Variants in SDF4 observed in about 807,000 individuals in gnomAD.
SDF4 encodes the protein 45 kDa calcium-binding protein.
SDF4 carries 22 observed loss-of-function variants against 34.2 expected under a neutral mutation model. That is an observed-to-expected ratio of 0.64 (90% CI 0.46 to 0.92). The LOEUF (loss-of-function observed/expected upper bound fraction) is 0.92. Among genes scored for constraint, SDF4 ranks in the 40% least tolerant of loss-of-function variants. The pLI is 0.00. For missense variants in SDF4, 447 were observed against 499.9 expected, an observed-to-expected ratio of 0.89 and a Z score of 1.01; for synonymous variants, 236 against 203.1, an observed-to-expected ratio of 1.16 and a Z score of -1.38.
chr1:1,223,734 C>A, intron 3 of SDF4, 98 bp downstream of exon 3: 1 of 1,168,916 alleles, frequency 8.6e-7, no homozygotes, highest in Non-Finnish European at 1.2e-6. Context: ...ACCGCCCGTC[C>A]CTCAGACAGG....
In SDF4 at chr1:1,218,766, C is replaced by T. The variant is rs761364661; in HGVS notation, c.715+3G>A. On this transcript the variant is annotated splice_donor_region_variant and intron_variant, in intron 5 of 6. Transcript: ENST00000360001. The surrounding 1 kb of genome is among the most constrained non-coding windows in gnomAD (Gnocchi z 7.9). ...GTGCCGGCCAGGCTGGACCCAGCCT[C>T]ACCCAGGTCCCGGACGATCTCCTTC... 2 of 1,612,424 alleles carry T rather than the reference C, an allele frequency of 1.2e-6. No individual in the cohort carries two copies. The highest frequency in any genetic ancestry group is 2.2e-5 in the East Asian group (1 of 44,832).
At chr1:1,223,507 G>A (rs1200179459) in intron 3 of SDF4, 150 bp from the exon 4 acceptor site, 13 of 668,008 alleles carry the variant, frequency 1.9e-5, no homozygotes, top group Middle Eastern at 3.1e-4. Flanking sequence ...CCCCACACCC[G>A]TTTCCTCACC....
At chr1:1,219,623 G>C in intron 4 of SDF4, 1 of 986,582 alleles carries the variant, frequency 1.0e-6, no homozygotes, top group Non-Finnish European at 1.2e-6. Context: ...CTGCCTCTGG[G>C]TGTGTGGCCC....
intron 2 of SDF4, among the ~76,000 whole-genome samples, chr1:1,227,985 G>A (rs1476652830): frequency 1.3e-5 from 2 of 152,206 alleles, no homozygotes; most frequent in African/African-American, 2.4e-5. Flanking sequence ...TACGCGGCCC[G>A]TGTGTGACAG....
Position 1,223,961 on chromosome 1 carries a change from C to A in SDF4, c.313G>T (p.Val105Leu). The A allele has an allele frequency of 1.2e-6, 2 of 1,610,872 alleles. No homozygotes were observed. Among genetic ancestry groups the A allele is most frequent in the Non-Finnish European group, 1.7e-6 (2 of 1,179,882 alleles). ...KLMVIFSKVD[V>L]NTDRKISAKE... ...GCACTGATCTTCCGGTCAGTGTTCACATCCACCCTGCAAGACAGCAAATGG... is the reference window on the plus strand; with the variant it reads ...GCACTGATCTTCCGGTCAGTGTTCAAATCCACCCTGCAAGACAGCAAATGG... Residue 105 changes from valine (V) to leucine (L), a missense_variant, in exon 3 of 7, where the codon GTG becomes TTG. Val to Leu is a conservative substitution (Grantham distance 32). Transcript: ENST00000360001.
At position 1,218,653 on chromosome 1, in the gene SDF4, C is replaced by T. The variant is rs776601646; in HGVS notation, c.716-20G>A. Reference sequence around the variant, plus strand: ...CCTGGTCTGCGAGACGGGAATGGGTCAGCCCACACCCAGGCTGGGGCTCCC... The same window carrying T: ...CCTGGTCTGCGAGACGGGAATGGGTTAGCCCACACCCAGGCTGGGGCTCCC... On this transcript the variant is annotated intron_variant, in intron 5 of 6. Transcript: ENST00000360001. This position sits in a 1 kb window ranked among gnomAD's most constrained non-coding sequence, Gnocchi z 7.9. The T allele has an allele frequency of 3.1e-6, 5 of 1,613,238 alleles. No individual in the cohort carries two copies. The highest frequency in any genetic ancestry group is 1.6e-4 in the Middle Eastern group (1 of 6,082).
In SDF4 at chr1:1,228,774, G is replaced by C. The variant is rs757410848; in HGVS notation, c.-2C>G. On this transcript the variant is annotated 5_prime_UTR_variant, in exon 2 of 7. Coordinates refer to ENST00000360001, the MANE Select transcript of SDF4 (RefSeq NM_016176.6). ...GAGGGGACCCCACCTGGACGCCATC[G>C]CCACCCAGGGCCAGACCATGGGGCG... The C allele has an allele frequency of 2.5e-6, 4 of 1,601,250 alleles. No homozygotes were observed. Among genetic ancestry groups the C allele is most frequent in the African/African-American group, 1.3e-5 (1 of 74,796 alleles).
intron 4 of SDF4, chr1:1,219,793 C>T (rs1000339484): frequency 5.2e-5 from 51 of 985,834 alleles, no homozygotes; most frequent in South Asian, 3.8e-4. Flanking sequence ...AGTGTTGAGG[C>T]CCACACTCAG....
At chr1:1,221,076 G>A (rs1428333830) in intron 4 of SDF4, 5 of 293,086 alleles carry the variant, frequency 1.7e-5, no homozygotes, top group Middle Eastern at 1.2e-3. Flanking sequence ...GCAACACAGG[G>A]AGATCCTCTT....
At position 1,218,871 on chromosome 1, in the gene SDF4, C is replaced by A; in HGVS notation, c.613G>T (p.Ala205Ser). Residue 205 changes from alanine (A) to serine (S), a missense_variant, in exon 5 of 7, where the codon GCA becomes TCA. By Grantham distance (99) the Ala-to-Ser change is moderately conservative. Transcript: ENST00000360001. The surrounding 1 kb of genome is among the most constrained non-coding windows in gnomAD (Gnocchi z 7.9). ...DRWYQADSPP[A>S]DLLLTEEEFL... ...TCCTCCTCCGTCAGCAGCAGGTCTG[C>A]AGGGGGGCTGTCCGCCTGGTACCAG... 1.3e-6 allele frequency: 2 copies of A among 1,598,474 alleles called. No homozygotes were observed. The highest frequency in any genetic ancestry group is 1.7e-6 in the Non-Finnish European group (2 of 1,169,866).
Position 1,223,901 on chromosome 1 carries a change from C to T in SDF4, c.373G>A (p.Ala125Thr). 6.2e-7 allele frequency: 1 copy of T among 1,610,214 alleles called. No individual in the cohort carries two copies. Among genetic ancestry groups the T allele is most frequent in the Non-Finnish European group, 8.5e-7 (1 of 1,179,550 alleles). The change falls in exon 3 of 7, where the codon GCC (alanine) becomes ACC (threonine). Residue 125 changes from alanine (A) to threonine (T), a missense_variant. Transcript: ENST00000360001. ...EMQRWIMEKTAEHFQEAMEES... is the reference protein window; with the variant it reads ...EMQRWIMEKTTEHFQEAMEES... Reference sequence around the variant, plus strand: ...TCCATGGCCTCCTGGAAGTGCTCGGCCGTCTTCTCCATGATCCAGCGCTGC... The same window carrying T: ...TCCATGGCCTCCTGGAAGTGCTCGGTCGTCTTCTCCATGATCCAGCGCTGC...
At chr1:1,219,171 C>G (rs1209119531) in intron 4 of SDF4, 9 of 1,367,666 alleles carry the variant, frequency 6.6e-6, no homozygotes, top group Non-Finnish European at 5.7e-6. Flanking sequence ...TTGGACCCCT[C>G]CACACAGCCC....
chr1:1,229,689 G>A (rs1361831355), intron 1 of SDF4, among the ~76,000 whole-genome samples: 3 of 152,186 alleles, frequency 2.0e-5, no homozygotes, highest in Non-Finnish European at 4.4e-5. Context: ...TGGGGTTAGG[G>A]TCACTCTCCA....
intron 2 of SDF4, 136 bp downstream of exon 2, chr1:1,228,332 C>T (rs1638375963): frequency 5.1e-6 from 5 of 971,010 alleles, no homozygotes; most frequent in East Asian, 2.6e-5. Flanking sequence ...AAGTGGCGCT[C>T]ATCACCGGCA....
chr1:1,219,687 C>T, intron 4 of SDF4: 1 of 986,488 alleles, frequency 1.0e-6, no homozygotes, highest in East Asian at 1.1e-4. Flanking sequence ...CCGAGGTCCC[C>T]ACACATCCCA....
chr1:1,223,397 G>C, intron 3 of SDF4, 40 bp from the exon 4 acceptor site: 1 of 1,370,566 alleles, frequency 7.3e-7, no homozygotes, highest in East Asian at 2.3e-5. Context: ...CTCTGATACT[G>C]AGCTGAACTT....
chr1:1,227,092 G>T (rs924840896), intron 2 of SDF4, among the ~76,000 whole-genome samples: 4 of 152,198 alleles, frequency 2.6e-5, no homozygotes, highest in Admixed American at 1.3e-4. Context: ...CGTCCCACCA[G>T]CTCACCTGTG....
rs139298872 is a variant in SDF4, at chr1:1,217,719, G to A, written c.892-31C>T. On this transcript the variant is annotated intron_variant, in intron 6 of 6. Coordinates refer to ENST00000360001, the MANE Select transcript of SDF4 (RefSeq NM_016176.6). This position sits in a 1 kb window ranked among gnomAD's most constrained non-coding sequence, Gnocchi z 8.5. ...GGCGAGCGGGGCACAGGTCAGCGTCGCCTTTCCCCCTCCGAGCTCCGCGGC... is the reference window on the plus strand; with the variant it reads ...GGCGAGCGGGGCACAGGTCAGCGTCACCTTTCCCCCTCCGAGCTCCGCGGC... The A allele has an allele frequency of 1.6e-4, 256 of 1,612,242 alleles. No homozygotes were observed. Among genetic ancestry groups the A allele is most frequent in the African/African-American group, 1.3e-3 (99 of 74,970 alleles).
chr1:1,229,273 C>T (rs1164149345), intron 1 of SDF4, among the ~76,000 whole-genome samples: 4 of 152,226 alleles, frequency 2.6e-5, no homozygotes, highest in Non-Finnish European at 4.4e-5. Flanking sequence ...ACCGTGACCA[C>T]GAACTCCTGG....
Sources: gnomAD v4.1 joint callset for allele counts (sites outside exome capture counted in the v4.1 genomes callset) on GRCh38, gnomAD v4.1.1 for gene constraint, Gnocchi (gnomAD v3.1) non-coding constraint, MANE v1.5 for transcripts, NCBI Gene and HGNC (gene_info 2026-07-23, HGNC 2026-07-21) for gene names.